The following FBXW4 variants were observed in gnomAD, a reference collection of about 807,000 sequenced individuals.
The protein encoded by FBXW4 is F-box/WD repeat-containing protein 4.
FBXW4 carries 40 observed loss-of-function variants against 61.8 expected under a neutral mutation model. The observed-to-expected ratio is 0.65, with a 90% CI of 0.50 to 0.84. The LOEUF is 0.84. Among genes scored for constraint, FBXW4 ranks in the 40% least tolerant of loss-of-function variants. FBXW4 has a pLI of 0.00. For missense variants in FBXW4, 672 were observed against 753.8 expected (o/e 0.89, Z 1.27); for synonymous variants, 311 against 313.8 (o/e 0.99, Z 0.10).
chr10:101,644,396 G>A (rs571051567), intron 5 of FBXW4, among the ~76,000 whole-genome samples: 1 of 152,324 alleles, frequency 6.6e-6, no homozygotes, highest in African/African-American at 2.4e-5. Context: ...AGGGTCAGTA[G>A]GCCAAATAGC....
At chr10:101,664,213 A>G (rs967649511) in intron 5 of FBXW4, among the ~76,000 whole-genome samples, 1 of 152,224 alleles carries the variant, frequency 6.6e-6, no homozygotes, top group African/African-American at 2.4e-5. Context: ...CATGTTTCAT[A>G]CAAGTGCCTG....
chr10:101,661,815 G>A (rs1564918544), intron 5 of FBXW4, among the ~76,000 whole-genome samples: 1 of 152,130 alleles, frequency 6.6e-6, no homozygotes, highest in Non-Finnish European at 1.5e-5. Flanking sequence ...CTGACCCTGG[G>A]AAAGGAGAAG....
At chr10:101,624,460 T>C (rs1453131788) in intron 6 of FBXW4, among the ~76,000 whole-genome samples, 1 of 152,256 alleles carries the variant, frequency 6.6e-6, no homozygotes, top group Non-Finnish European at 1.5e-5. Flanking sequence ...TGGGATTTTA[T>C]ATAGCCACAT....
intron 5 of FBXW4, among the ~76,000 whole-genome samples, chr10:101,663,749 C>T (rs750616504): frequency 6.6e-6 from 1 of 152,094 alleles, no homozygotes; most frequent in Non-Finnish European, 1.5e-5. Flanking sequence ...GGTATTCCTG[C>T]CCCATAATTA....
chr10:101,623,922 G>A (rs1396940363), intron 6 of FBXW4, among the ~76,000 whole-genome samples: 1 of 152,172 alleles, frequency 6.6e-6, no homozygotes, highest in Non-Finnish European at 1.5e-5. Flanking sequence ...CAGGAATCAG[G>A]GACAATGGGA....
chr10:101,684,062 C>T (rs1361990629), intron 1 of FBXW4, among the ~76,000 whole-genome samples: 1 of 152,234 alleles, frequency 6.6e-6, no homozygotes, highest in Admixed American at 6.5e-5. Context: ...CTCCCAGACT[C>T]AAGTGATTCT....
chr10:101,683,545 A>T (rs2064501459), intron 1 of FBXW4, among the ~76,000 whole-genome samples: 1 of 152,158 alleles, frequency 6.6e-6, no homozygotes, highest in Non-Finnish European at 1.5e-5. Flanking sequence ...ACAGAAATTA[A>T]TCTAGGCAGT....
At chr10:101,638,674 AT>A (rs2064024652) in intron 5 of FBXW4, among the ~76,000 whole-genome samples, 1 of 152,248 alleles carries the variant, frequency 6.6e-6, no homozygotes, top group Non-Finnish European at 1.5e-5. Flanking sequence ...CAAAATACTC[AT>A]TTTGAAGTTA....
At chr10:101,651,026 C>G (rs2064141372) in intron 5 of FBXW4, among the ~76,000 whole-genome samples, 1 of 152,186 alleles carries the variant, frequency 6.6e-6, no homozygotes, top group East Asian at 1.9e-4. Context: ...GGGAAGATGC[C>G]TCTGCCTGGA....
intron 5 of FBXW4, among the ~76,000 whole-genome samples, chr10:101,646,107 A>G (rs535246625): frequency 3.0e-4 from 45 of 152,334 alleles, no homozygotes; most frequent in South Asian, 1.2e-3. Context: ...TAGAGCATCA[A>G]TTGGGATTCT....
chr10:101,621,807 G>A (rs2134812513), intron 6 of FBXW4, among the ~76,000 whole-genome samples: 1 of 152,298 alleles, frequency 6.6e-6, no homozygotes, highest in East Asian at 1.9e-4. Context: ...AGAAACAACT[G>A]AAGGACCTAG....
chr10:101,637,679 G>A (rs531770907), intron 5 of FBXW4, among the ~76,000 whole-genome samples: 1 of 136,812 alleles, frequency 7.3e-6, no homozygotes, highest in East Asian at 2.1e-4. Context: ...CAGCCTGGGT[G>A]ACAAAGCAAG....
In FBXW4 at chr10:101,611,314, C is replaced by T. The variant is rs750201843; in HGVS notation, c.1681G>A (p.Val561Ile). Residue 561 changes from valine (V) to isoleucine (I), a missense_variant, in exon 9 of 9, where the codon GTC becomes ATC. Around this residue, in one of 5 missense-constraint regions of FBXW4, gnomAD observed 312 missense variants for 370.1 expected, o/e 0.84. Coordinates refer to ENST00000331272, the MANE Select transcript of FBXW4 (RefSeq NM_022039.4). The surrounding 1 kb of genome is among the most constrained non-coding windows in gnomAD (Gnocchi z 4.9). ...LYAALSYNLH[V>I]LDFQNP is the part of the protein sequence containing the mutation. ...GGTCATGGGTTTTGAAAATCCAGGA[C>T]GTGGAGGTTGTAAGACAGGGCAGCA... The T allele has an allele frequency of 1.9e-5, 30 of 1,613,828 alleles. No homozygotes were observed. The highest frequency in any genetic ancestry group is 1.6e-4 in the Middle Eastern group (1 of 6,070).
chr10:101,658,734 C>T (rs781666632), intron 5 of FBXW4, among the ~76,000 whole-genome samples: 36 of 152,146 alleles, frequency 2.4e-4, no homozygotes, highest in Non-Finnish European at 1.3e-4. Context: ...CTAATCCAGC[C>T]ACAACCTCAT....
At chr10:101,657,639 CAA>C (rs35721394) in intron 5 of FBXW4, among the ~76,000 whole-genome samples, 12 of 56,128 alleles carry the variant, frequency 2.1e-4, no homozygotes, top group African/African-American at 9.3e-4. Flanking sequence ...GACTCTGTCT[CAA>C]AAAAAAAAAA....
chr10:101,692,746 CAA>C (rs61631625), intron 1 of FBXW4, among the ~76,000 whole-genome samples: 59 of 85,198 alleles, frequency 6.9e-4, no homozygotes, highest in African/African-American at 1.3e-3. Flanking sequence ...AACTCCGTCT[CAA>C]AAAAAAAAAA....
Position 101,618,789 on chromosome 10 carries a change from G to T in FBXW4, c.1301+5956C>A, listed in dbSNP as rs563148679. Among the ~76,000 whole-genome samples, 5 of 152,248 alleles carry T rather than the reference G, an allele frequency of 3.3e-5. No individual in the cohort carries two copies. The South Asian group carries it at 1.0e-3, about 32-fold the overall frequency. On this transcript the variant is annotated intron_variant, in intron 6 of 8. Transcript: ENST00000331272. ...GACACCTTCAGGTCTGGGATTAAAG[G>T]GCTCTCCATCCTGAAGCCCACCTGC...
At chr10:101,633,657 G>A (rs1589749799) in intron 5 of FBXW4, among the ~76,000 whole-genome samples, 1 of 151,846 alleles carries the variant, frequency 6.6e-6, no homozygotes, top group South Asian at 2.1e-4. Context: ...ACACACCCAC[G>A]GATGTTAGTT....
At chr10:101,622,816 A>G (rs1394684177) in intron 6 of FBXW4, 1 of 152,134 alleles carries the variant, frequency 6.6e-6, no homozygotes, top group Non-Finnish European at 1.5e-5. Context: ...AATATCTAGA[A>G]TACAGAAAGA....
Sources: gnomAD v4.1 joint callset for allele counts (sites outside exome capture counted in the v4.1 genomes callset) on GRCh38, gnomAD v4.1.1 for gene constraint, gnomAD v4.1.1 regional missense constraint, Gnocchi (gnomAD v3.1) non-coding constraint, MANE v1.5 for transcripts, NCBI Gene and HGNC (gene_info 2026-07-23, HGNC 2026-07-21) for gene names.